The following SAMHD1 variants were observed in gnomAD, a reference collection of about 807,000 sequenced individuals.
The protein encoded by SAMHD1 is SAM and HD domain containing deoxynucleoside triphosphate triphosphohydrolase 1.
A neutral mutation model predicts 79.6 loss-of-function variants in SAMHD1; 54 were observed. That is an observed-to-expected ratio of 0.68 (90% CI 0.55 to 0.85). The LOEUF (loss-of-function observed/expected upper bound fraction) is 0.85, where lower values mean the gene tolerates loss of function less well. Ranked by LOEUF, SAMHD1 falls within the 40% of genes least tolerant of loss-of-function variation. The probability of loss-of-function intolerance (pLI) is 0.00; values close to 1 mark genes in which losing one functional copy is unlikely to be tolerated. For synonymous variants in SAMHD1, 260 were observed against 264.1 expected (o/e 0.98, Z 0.15); for missense variants, 663 against 782.7 (o/e 0.85, Z 1.82).
chr20:36,899,453 C>G (rs1990261307), intron 13 of SAMHD1, among the ~76,000 whole-genome samples: 1 of 151,878 alleles, frequency 6.6e-6, no homozygotes, highest in African/African-American at 2.4e-5. Flanking sequence ...AAAGAAAATC[C>G]TAGCCCCCAC....
intron 14 of SAMHD1, 32 bp from the exon 15 acceptor site, chr20:36,897,991 T>C (rs1262423051): frequency 1.2e-6 from 2 of 1,613,410 alleles, no homozygotes; most frequent in South Asian, 2.2e-5. Flanking sequence ...CACTATCACC[T>C]TGAAGTCACA....
intron 2 of SAMHD1, among the ~76,000 whole-genome samples, chr20:36,946,152 G>A (rs906690537): frequency 1.2e-4 from 18 of 151,846 alleles, no homozygotes; most frequent in Non-Finnish European, 2.9e-5. Context: ...GCAGCCGGGC[G>A]CGGTAATTCC....
Position 36,937,003 on chromosome 20 carries a change from T to TCGC in SAMHD1, c.349-1815_349-1814insGCG, listed in dbSNP as rs1241167232. 2.6e-4 allele frequency among the ~76,000 whole-genome samples: 40 copies of TCGC among 151,758 alleles called. 1 individual carries two copies. The highest frequency in any genetic ancestry group is 9.7e-4 in the African/African-American group (40 of 41,392). ...TAAAAATACAAAAATTAGCTGGGCG[T>TCGC]GGTGGTGGGCGTCTGTTATCCCAGC... On this transcript the variant is annotated intron_variant, in intron 3 of 15. Transcript: ENST00000646673.
Position 36,919,430 on chromosome 20 carries a change from T to C in SAMHD1, c.786A>G (p.Glu262=), listed in dbSNP as rs1195297197. Residue 262 remains glutamate (E), a synonymous_variant, in exon 7 of 16, where the codon GAA becomes GAG. Transcript: ENST00000646673. ...PVMEQYGLIP[E]EDICFIKEQI... ...GTTCCTTTATAAAGCAAATATCTTC[T>C]TCAGGGATGAGACCATATTGTTCCA... is the stretch of plus-strand genomic sequence containing the variant. 6.2e-6 allele frequency: 10 copies of C among 1,613,296 alleles called. No homozygotes were observed. Among genetic ancestry groups the C allele is most frequent in the Non-Finnish European group, 7.6e-6 (9 of 1,179,494 alleles).
intron 15 of SAMHD1, among the ~76,000 whole-genome samples, chr20:36,896,131 G>A (rs1048463878): frequency 2.7e-5 from 4 of 149,838 alleles, no homozygotes; most frequent in African/African-American, 7.3e-5. Flanking sequence ...GAGTGCAGTC[G>A]CCGGCTAATT....
chr20:36,939,075 CAAAAAAAAAAAAAAAAAA>C (rs1178988134), intron 3 of SAMHD1, among the ~76,000 whole-genome samples: 1 of 22,528 alleles, frequency 4.4e-5, no homozygotes, highest in South Asian at 3.4e-3. Context: ...CTAAAAATAC[CAAAAAAAAAAAAAAAAAA>C]AAAAAAAAAA....
At chr20:36,931,696 C>T (rs2063568977) in intron 4 of SAMHD1, among the ~76,000 whole-genome samples, 1 of 151,738 alleles carries the variant, frequency 6.6e-6, no homozygotes, top group Admixed American at 6.6e-5. Flanking sequence ...TTCATAGCAG[C>T]ACTACTCAAA....
At chr20:36,928,139 C>A (rs1328157596) in intron 5 of SAMHD1, among the ~76,000 whole-genome samples, 1 of 152,192 alleles carries the variant, frequency 6.6e-6, no homozygotes, top group Non-Finnish European at 1.5e-5. Flanking sequence ...GTAATCCCAG[C>A]ACTTTGGGAG....
intron 15 of SAMHD1, among the ~76,000 whole-genome samples, chr20:36,896,790 G>A (rs983980405): frequency 6.6e-5 from 10 of 151,896 alleles, no homozygotes; most frequent in African/African-American, 1.5e-4. Flanking sequence ...AGCCAAGATC[G>A]TGCCACTGCA....
At position 36,905,364 on chromosome 20, in the gene SAMHD1, C is replaced by T; in HGVS notation, c.1410G>A (p.Arg470=). The change falls in exon 12 of 16, where the codon AGG becomes AGA. Residue 470 remains arginine (R), a splice_region_variant and synonymous_variant. Coordinates refer to ENST00000646673, the MANE Select transcript of SAMHD1 (RefSeq NM_015474.4). ...AATGGAAAGATGCCTGATAACTCAC[C>T]CTTTTAATCTTTATTTGTCCTGTTG... ...TQPTGQIKIK[R]EDYESLPKEV... 1 of 1,613,980 alleles carries T rather than the reference C, an allele frequency of 6.2e-7. No individual in the cohort carries two copies. The highest frequency in any genetic ancestry group is 8.5e-7 in the Non-Finnish European group (1 of 1,179,972).
chr20:36,893,348 C>T lies in SAMHD1; in HGVS notation c.1747-282G>A, dbSNP rs1990127178. The T allele has an allele frequency of 1.2e-5, 6 of 500,726 alleles. No individual in the cohort carries two copies. In the South Asian group the frequency reaches 1.3e-4, roughly 11 times the overall value. The allele number at this position is 500,726 out of a possible 1,614,324, so 31.0% of individuals were successfully genotyped here. A position where few individuals can be genotyped will look rare whatever the true frequency, so the allele number is the denominator to read the frequency against. On this transcript the variant is annotated intron_variant, in intron 15 of 15. Transcript: ENST00000646673. ...GCCCACCTCTATGGCCTCCTTCACACACCTTCACGGAGCACAAACTCTGTC... is the reference window on the plus strand; with the variant it reads ...GCCCACCTCTATGGCCTCCTTCACATACCTTCACGGAGCACAAACTCTGTC...
chr20:36,945,526 A>C (rs2063679958), intron 2 of SAMHD1, among the ~76,000 whole-genome samples: 1 of 152,166 alleles, frequency 6.6e-6, no homozygotes, highest in South Asian at 2.1e-4. Flanking sequence ...ATTATTCTGA[A>C]CTTGAGAGTA....
intron 13 of SAMHD1, among the ~76,000 whole-genome samples, chr20:36,902,700 C>G (rs1477685664): frequency 6.6e-6 from 1 of 151,724 alleles, no homozygotes; most frequent in Non-Finnish European, 1.5e-5. Flanking sequence ...TTGAGGGTAA[C>G]TGCAGAAAAT....
At position 36,942,739 on chromosome 20, in the gene SAMHD1, C is replaced by T. The variant is rs561658634; in HGVS notation, c.276-1628G>A. Among the ~76,000 whole-genome samples, 161 of 152,016 alleles carry T rather than the reference C, an allele frequency of 1.1e-3. 1 individual carries two copies. The South Asian group carries it at 0.016, about 15-fold the overall frequency. On this transcript the variant is annotated intron_variant, in intron 2 of 15. Transcript: ENST00000646673. ...TCGGCTCACTGCAAGCTCCACCTCC[C>T]GGGTTCACGCCATTCTCCCGCCTCA...
intron 7 of SAMHD1, among the ~76,000 whole-genome samples, chr20:36,917,572 A>T (rs1568769957): frequency 6.6e-6 from 1 of 152,076 alleles, no homozygotes; most frequent in Non-Finnish European, 1.5e-5. Context: ...AATCGCCTGA[A>T]CTCAGGAGGC....
In SAMHD1 at chr20:36,893,048, G is replaced by A; in HGVS notation, c.1765C>T (p.Pro589Ser). 6.2e-7 allele frequency: 1 copy of A among 1,613,128 alleles called. No individual in the cohort carries two copies. Among genetic ancestry groups the A allele is most frequent in the Non-Finnish European group, 8.5e-7 (1 of 1,179,874 alleles). The change falls in exon 16 of 16, where the codon CCA becomes TCA. Residue 589 changes from proline (P) to serine (S), a missense_variant. Transcript: ENST00000646673. ...TCCTTTTTTTGAGGTGTTATGAGTGGGGCTATAACATCGCCATCCTATTAG... is the reference window on the plus strand; with the variant it reads ...TCCTTTTTTTGAGGTGTTATGAGTGAGGCTATAACATCGCCATCCTATTAG... ...TKPQDGDVIA[P>S]LITPQKKEWN...
At chr20:36,901,323 C>A (rs1990302882) in intron 13 of SAMHD1, among the ~76,000 whole-genome samples, 2 of 152,172 alleles carry the variant, frequency 1.3e-5, no homozygotes, top group Non-Finnish European at 2.9e-5. Context: ...CACCACCACA[C>A]CTGGATAATT....
In SAMHD1 at chr20:36,904,100, TG is replaced by T. The variant is rs146104087; in HGVS notation, c.1503+56del. ...TGAACATGTACTACTTTTATAATGGTGGGTGCTTTATCTTTAAAACGTATTC... is the reference window on the plus strand; with the variant it reads ...TGAACATGTACTACTTTTATAATGGTGGTGCTTTATCTTTAAAACGTATTC... On this transcript the variant is annotated intron_variant, in intron 13 of 15. Transcript: ENST00000646673. 40 of 1,153,490 alleles carry T rather than the reference TG, an allele frequency of 3.5e-5. No homozygotes were observed. In the African/African-American group the frequency reaches 5.3e-4, roughly 15 times the overall value. The allele number at this position is 1,153,490 out of a possible 1,614,324, so 71.5% of individuals were successfully genotyped here.
At chr20:36,899,891 C>G (rs1990269723) in intron 13 of SAMHD1, among the ~76,000 whole-genome samples, 1 of 152,074 alleles carries the variant, frequency 6.6e-6, no homozygotes, top group Admixed American at 6.6e-5. Flanking sequence ...GTCAGGAGAT[C>G]AAGACCAGCC....
Sources: gnomAD v4.1 joint callset for allele counts (sites outside exome capture counted in the v4.1 genomes callset) on GRCh38, gnomAD v4.1.1 for gene constraint, MANE v1.5 for transcripts, NCBI Gene and HGNC (gene_info 2026-07-23, HGNC 2026-07-21) for gene names.